BBS2: variants seen among roughly 807,000 people sequenced by gnomAD.
The protein encoded by BBS2 is BBSome complex member BBS2.
Under a neutral mutation model 83.0 loss-of-function variants are expected in BBS2, and 62 were observed. The ratio of observed to expected loss-of-function variants is 0.75; its 90% CI spans 0.61 to 0.92. The LOEUF (loss-of-function observed/expected upper bound fraction) is 0.92. BBS2 is among the 40% of genes least tolerant of loss of function. The probability of loss-of-function intolerance (pLI) is 0.00; values close to 1 mark genes in which losing one functional copy is unlikely to be tolerated. For missense variants in BBS2, 784 were observed against 901.0 expected, an observed-to-expected ratio of 0.87 and a Z score of 1.66; for synonymous variants, 303 against 326.1, an observed-to-expected ratio of 0.93 and a Z score of 0.76.
intron 13 of BBS2, 143 bp from the exon 14 acceptor site, chr16:56,498,023 C>T (rs1567572737): frequency 1.1e-6 from 1 of 892,144 alleles, no homozygotes; most frequent in Non-Finnish European, 1.7e-6. Context: ...AAGTTTAGCT[C>T]TCAAAGAAAT....
intron 1 of BBS2, 79 bp from the exon 2 acceptor site, chr16:56,514,759 T>G: frequency 9.4e-7 from 1 of 1,065,508 alleles, no homozygotes; most frequent in South Asian, 1.4e-5. Flanking sequence ...AAGAACCAGG[T>G]TATTAACACA....
intron 13 of BBS2, 40 bp from the exon 14 acceptor site, chr16:56,497,920 T>G: frequency 6.3e-7 from 1 of 1,598,340 alleles, no homozygotes; most frequent in Non-Finnish European, 8.5e-7. Context: ...CATCCTCAGA[T>G]GTTAGACAAA....
At chr16:56,517,277 G>T (rs1260578311) in intron 1 of BBS2, among the ~76,000 whole-genome samples, 1 of 152,074 alleles carries the variant, frequency 6.6e-6, no homozygotes, top group African/African-American at 2.4e-5. Context: ...AAAAACCAAG[G>T]TCTTTGCCAT....
rs2303283 is a variant in BBS2 at position 56,510,279 on chromosome 16, C to T, written c.535-245G>A. Among the ~76,000 whole-genome samples, 57 of 152,244 alleles carry T rather than the reference C, an allele frequency of 3.7e-4. No individual in the cohort carries two copies. In the East Asian group the frequency reaches 7.5e-3, roughly 20 times the overall value. On this transcript the variant is annotated intron_variant, in intron 4 of 16. Coordinates refer to ENST00000245157, the MANE Select transcript of BBS2 (RefSeq NM_031885.5). The stretch of plus-strand genomic sequence containing the variant: ...GGGAGCTGCACATCTTGCCAGAATA[C>T]GTTATTTCCCTGAGTACCTGAAAAG...
In BBS2 at chr16:56,470,745, C is replaced by G. The variant is rs753679124; in HGVS notation, c.*1-50G>C. ...CCATCAGCAACAACAGCCAACAGAGCAATGAGCAGACAGACCCAGAGCCAG... is the reference window on the plus strand; with the variant it reads ...CCATCAGCAACAACAGCCAACAGAGGAATGAGCAGACAGACCCAGAGCCAG... On this transcript the variant is annotated intron_variant, in intron 17 of 17. Coordinates refer to the BBS2 transcript ENST00000682047. 12 of 1,613,164 alleles carry G rather than the reference C, an allele frequency of 7.4e-6. No individual in the cohort carries two copies. In the South Asian group the frequency reaches 1.2e-4, roughly 16 times the overall value.
At chr16:56,514,744 T>A (rs918551990) in intron 1 of BBS2, 64 bp from the exon 2 acceptor site, 60 of 1,290,866 alleles carry the variant, frequency 4.6e-5, no homozygotes, top group Middle Eastern at 2.5e-4. Flanking sequence ...TACATTTTTT[T>A]AAAAAAGAAC....
chr16:56,496,981 A>T lies in BBS2; in HGVS notation c.1896T>A (p.Arg632=). The T allele has an allele frequency of 6.2e-7, 1 of 1,613,536 alleles. No homozygotes were observed. The highest frequency in any genetic ancestry group is 8.5e-7 in the Non-Finnish European group (1 of 1,179,422). ...CAAATACTCACATGTCCCTCATCAG[A>T]CGAGCATCCTCAGCTCCGACCAGCA... ...RSLLVGAEDA[R]LMRDMKTMKS... Residue 632 remains arginine (R), a synonymous_variant, in exon 15 of 17, where the codon CGT becomes CGA. Transcript: ENST00000245157.
rs2288056 is a variant in BBS2 at position 56,485,185 on chromosome 16, A to G, written c.2060-318T>C. Among the ~76,000 whole-genome samples the G allele has an allele frequency of 0.17, 26,388 of 152,132 alleles. 2,501 individuals carry two copies. The highest frequency in any genetic ancestry group is 0.27 in the East Asian group (1,406 of 5,170). ...AGAATTCAGGTATAAATCTCTGGCT[A>G]TATTTCTGCTTCCTTGGGTTTATCC... On this transcript the variant is annotated intron_variant, in intron 16 of 16. Transcript: ENST00000245157.
intron 5 of BBS2, 133 bp from the exon 6 acceptor site, chr16:56,506,357 T>C (rs748147459): frequency 1.4e-6 from 1 of 711,440 alleles, no homozygotes; most frequent in Non-Finnish European, 2.5e-6. Flanking sequence ...TCCAATCCAT[T>C]AGTGGGGAAT....
intron 7 of BBS2, among the ~76,000 whole-genome samples, chr16:56,503,803 C>A (rs1291137817): frequency 6.6e-6 from 1 of 151,874 alleles, no homozygotes; most frequent in African/African-American, 2.4e-5. Context: ...CCTGTAGTCC[C>A]AGCTACTAGG....
At chr16:56,493,778 G>T (rs1171382059) in intron 15 of BBS2, among the ~76,000 whole-genome samples, 1 of 152,204 alleles carries the variant, frequency 6.6e-6, no homozygotes, top group Non-Finnish European at 1.5e-5. Context: ...TTAAGATACA[G>T]TAATTTGACG....
chr16:56,473,838 G>A (rs1453278204), intron 17 of BBS2, among the ~76,000 whole-genome samples: 3 of 150,716 alleles, frequency 2.0e-5, no homozygotes, highest in Non-Finnish European at 4.4e-5. Flanking sequence ...GTGGACTCTC[G>A]CTCTGTCACC....
At chr16:56,471,761 C>T (rs915669604) in intron 17 of BBS2, among the ~76,000 whole-genome samples, 6 of 152,218 alleles carry the variant, frequency 3.9e-5, no homozygotes, top group Non-Finnish European at 7.3e-5. Flanking sequence ...ACTTTGGCCA[C>T]TGCAGATATT....
At chr16:56,477,314 G>GTGTA (rs1963526943) in intron 17 of BBS2, 1 of 152,142 alleles carries the variant, frequency 6.6e-6, no homozygotes, top group African/African-American at 2.4e-5. Flanking sequence ...TCACAGTACA[G>GTGTA]TGTAGGCTTA....
chr16:56,505,248 C>G (rs1964391060), intron 7 of BBS2, among the ~76,000 whole-genome samples: 1 of 152,222 alleles, frequency 6.6e-6, no homozygotes. Flanking sequence ...ACCAACATAA[C>G]AGCTTTTTAG....
intron 4 of BBS2, among the ~76,000 whole-genome samples, 189 bp downstream of exon 4, chr16:56,510,670 C>T (rs1964549055): frequency 1.3e-5 from 2 of 152,184 alleles, no homozygotes; most frequent in Non-Finnish European, 2.9e-5. Context: ...GTATTTATTA[C>T]ACAAGCACAA....
intron 4 of BBS2, among the ~76,000 whole-genome samples, chr16:56,510,417 C>T (rs1447313989): frequency 6.6e-6 from 1 of 152,204 alleles, no homozygotes; most frequent in African/African-American, 2.4e-5. Context: ...CAGCACGTCA[C>T]ACCTACTAAC....
At chr16:56,485,347 C>T (rs1235751693) in intron 16 of BBS2, among the ~76,000 whole-genome samples, 1 of 151,666 alleles carries the variant, frequency 6.6e-6, no homozygotes, top group Admixed American at 6.6e-5. Flanking sequence ...GTAGGTTTTT[C>T]TTTAGAGGAT....
intron 2 of BBS2, among the ~76,000 whole-genome samples, chr16:56,512,377 G>A (rs1298047872): frequency 1.3e-5 from 2 of 151,950 alleles, no homozygotes; most frequent in African/African-American, 4.8e-5. Context: ...TCTACAAAAA[G>A]TCTTATATAA....
Sources: allele counts gnomAD v4.1 joint callset (sites outside exome capture counted in the v4.1 genomes callset), GRCh38; gene constraint gnomAD v4.1.1; transcripts MANE v1.5; gene names NCBI Gene and HGNC (gene_info 2026-07-23, HGNC 2026-07-21).